Variants in KLHL26 observed in about 807,000 individuals in gnomAD.
The protein encoded by KLHL26 is kelch like family member 26.
Under a neutral mutation model 7.1 loss-of-function variants are expected in KLHL26, and 4 were observed. The observed-to-expected ratio is 0.56, with a 90% confidence interval of 0.28 to 1.28. The LOEUF is 1.28. KLHL26 is among the 50% of genes most tolerant of loss of function. The pLI is 0.11. For synonymous variants in KLHL26, 465 were observed against 414.1 expected (o/e 1.12, Z -1.49); for missense variants, 896 against 924.6 (o/e 0.97, Z 0.40).
At position 18,668,602 on chromosome 19, in the gene KLHL26, G is replaced by T; in HGVS notation, c.1205G>T (p.Ser402Ile). ...CTGCGCCTGCAGGCCATGCAGGAAA[G>T]CCGCATCCAGTTCCAGCTGAACGTG... The part of the protein sequence containing the change: ...RWLRLQAMQE[S>I]RIQFQLNVLC... Residue 402 changes from serine (S) to isoleucine (I), a missense_variant, in exon 3 of 3, where the codon AGC becomes ATC. Physicochemically the swap from Ser to Ile is moderately radical, Grantham distance 142. Transcript: ENST00000300976. The T allele has an allele frequency of 6.3e-7, 1 of 1,588,460 alleles. No homozygotes were observed. Among genetic ancestry groups the T allele is most frequent in the Non-Finnish European group, 8.5e-7 (1 of 1,173,498 alleles).
chr19:18,640,638 A>G (rs1254178593), intron 1 of KLHL26, among the ~76,000 whole-genome samples: 2 of 140,190 alleles, frequency 1.4e-5, no homozygotes, highest in African/African-American at 5.5e-5. Flanking sequence ...TCCTGGGTTC[A>G]AGTGATTCTC....
chr19:18,650,628 C>T lies in KLHL26; in HGVS notation c.83+13491C>T, dbSNP rs2052242326. 6.6e-6 allele frequency among the ~76,000 whole-genome samples: 1 copy of T among 152,216 alleles called. No individual in the cohort carries two copies. The highest frequency in any genetic ancestry group is 2.4e-5 in the African/African-American group (1 of 41,460). ...TTATACTCCACGTGAGTCACTTGCA[C>T]AGATGACGGGTGATGTTTTCCTCGC... On this transcript the variant is annotated intron_variant, in intron 1 of 2. Transcript: ENST00000300976. This position sits in a 1 kb window ranked among gnomAD's most constrained non-coding sequence, Gnocchi z 4.2.
In KLHL26 at chr19:18,671,326, G is replaced by A. The variant is rs959701818; in HGVS notation, c.*2081G>A. ...AACCTAAAAGAAGCCCACACTGTCA[G>A]GGGCATCGAGACAAAAGCCGAGTTC... On this transcript the variant is annotated 3_prime_UTR_variant, in exon 3 of 3. Transcript: ENST00000300976. The A allele has an allele frequency of 6.6e-6, 1 of 152,252 alleles. No homozygotes were observed. The highest frequency in any genetic ancestry group is 1.5e-5 in the Non-Finnish European group (1 of 68,084). 9.4% of individuals were successfully genotyped at this position (152,252 alleles called of 1,614,324 possible).
At chr19:18,661,612 A>T (rs1463325733) in intron 1 of KLHL26, among the ~76,000 whole-genome samples, 1 of 152,054 alleles carries the variant, frequency 6.6e-6, no homozygotes, top group Non-Finnish European at 1.5e-5. Flanking sequence ...GCCCTCACTC[A>T]GAAGGTGCTG....
At chr19:18,662,837 G>A (rs994466771) in intron 1 of KLHL26, among the ~76,000 whole-genome samples, 13 of 152,216 alleles carry the variant, frequency 8.5e-5, no homozygotes, top group Admixed American at 6.5e-4. Flanking sequence ...AAGTGGGATC[G>A]GGGCCGATGT....
intron 1 of KLHL26, among the ~76,000 whole-genome samples, chr19:18,663,810 C>T (rs963647814): frequency 4.5e-5 from 6 of 133,330 alleles, no homozygotes; most frequent in African/African-American, 1.7e-4. Context: ...GCAGTGGGGG[C>T]TGGACCACAG....
Position 18,668,582 on chromosome 19 carries a change from C to T in KLHL26, c.1185C>T (p.Arg395=), listed in dbSNP as rs1367714552. 1 of 1,591,576 alleles carries T rather than the reference C, an allele frequency of 6.3e-7. No individual in the cohort carries two copies. The highest frequency in any genetic ancestry group is 8.5e-7 in the Non-Finnish European group (1 of 1,174,096). Residue 395 remains arginine, a synonymous_variant, in exon 3 of 3, where the codon CGC becomes CGT. Coordinates refer to ENST00000300976, the MANE Select transcript of KLHL26 (RefSeq NM_018316.3). The part of the protein sequence containing the change: ...RYDPHLNRWL[R]LQAMQESRIQ... Reference sequence around the variant, plus strand: ...ACCCCCACCTGAATCGCTGGCTGCGCCTGCAGGCCATGCAGGAAAGCCGCA... The same window carrying T: ...ACCCCCACCTGAATCGCTGGCTGCGTCTGCAGGCCATGCAGGAAAGCCGCA...
intron 1 of KLHL26, among the ~76,000 whole-genome samples, chr19:18,660,329 C>A (rs891095511): frequency 6.6e-6 from 1 of 152,214 alleles, no homozygotes; most frequent in Non-Finnish European, 1.5e-5. Context: ...GGGCGTGTGG[C>A]CACTCAGAGG....
At chr19:18,658,511 G>GTCTCTGTC (rs1265265393) in intron 1 of KLHL26, among the ~76,000 whole-genome samples, 2 of 150,740 alleles carry the variant, frequency 1.3e-5, no homozygotes, top group African/African-American at 4.9e-5. Context: ...CTGTCTCTGG[G>GTCTCTGTC]TCTCTGTCTC....
intron 1 of KLHL26, among the ~76,000 whole-genome samples, chr19:18,652,969 A>G (rs2052276345): frequency 6.6e-6 from 1 of 152,164 alleles, no homozygotes; most frequent in African/African-American, 2.4e-5. Context: ...ACAGTAAACA[A>G]GAGGCAGAGG....
rs1204260630 is a variant in KLHL26 at position 18,642,338 on chromosome 19, AGTGTGTGTGTGTGTGTGT to A, written c.83+5228_83+5245del. On this transcript the variant is annotated intron_variant, in intron 1 of 2. Transcript: ENST00000300976. The stretch of plus-strand genomic sequence containing the variant: ...CCCAGGACACTTTTGCTAGTCACCT[AGTGTGTGTGTGTGTGTGT>A]GTGTGTGTGTGTGTGTGTGTGTGTG... Among the ~76,000 whole-genome samples the A allele has an allele frequency of 5.4e-4, 67 of 123,804 alleles. 2 individuals are homozygous for A. The highest frequency in any genetic ancestry group is 5.9e-4 in the South Asian group (2 of 3,418). 81.2% of individuals were successfully genotyped at this position (123,804 alleles called of 152,430 possible).
rs1976632059 is a variant in KLHL26 at position 18,637,094 on chromosome 19, G to T, written c.40G>T (p.Gly14Cys). 1 of 1,384,030 alleles carries T rather than the reference G, an allele frequency of 7.2e-7. No homozygotes were observed. 85.7% of individuals were successfully genotyped at this position (1,384,030 alleles called of 1,614,324 possible). A position where few individuals can be genotyped will look rare whatever the true frequency, so the allele number is the denominator to read the frequency against. Reference sequence around the variant, plus strand: ...CGGTAGCAGCGGTGGTGCTGGTGGCGGCGGCGCTTTCGGCGCGGGCCCGGG... The same window carrying T: ...CGGTAGCAGCGGTGGTGCTGGTGGCTGCGGCGCTTTCGGCGCGGGCCCGGG... Reference protein sequence around the residue: ...SGGSSGGAGGGGAFGAGPGPE... With the variant: ...SGGSSGGAGGCGAFGAGPGPE... Residue 14 changes from glycine to cysteine, a missense_variant, in exon 1 of 3, where the codon GGC (glycine) becomes TGC (cysteine). Coordinates refer to ENST00000300976, the MANE Select transcript of KLHL26 (RefSeq NM_018316.3).
intron 1 of KLHL26, among the ~76,000 whole-genome samples, chr19:18,647,398 C>T (rs922599535): frequency 7.0e-4 from 107 of 152,220 alleles, no homozygotes; most frequent in African/African-American, 2.5e-3. Context: ...TCTCCTCAGA[C>T]ACTGTAAAAG....
At chr19:18,663,980 G>T (rs752981) in intron 1 of KLHL26, among the ~76,000 whole-genome samples, 16,102 of 152,014 alleles carry the variant, frequency 0.11, 960 homozygotes, top group Non-Finnish European at 0.14. Flanking sequence ...GATTCACAGT[G>T]GTATGCAAAC....
At chr19:18,664,709 G>A (rs1038632687) in intron 2 of KLHL26, among the ~76,000 whole-genome samples, 2 of 151,864 alleles carry the variant, frequency 1.3e-5, no homozygotes, top group African/African-American at 4.8e-5. Flanking sequence ...AGCCTCCCGA[G>A]TAGCTGGGAG....
chr19:18,666,571 C>T (rs2052450123), intron 2 of KLHL26, among the ~76,000 whole-genome samples: 1 of 152,188 alleles, frequency 6.6e-6, no homozygotes, highest in Non-Finnish European at 1.5e-5. Flanking sequence ...CCTGTGTCCC[C>T]TCCCACTCTC....
Position 18,650,541 on chromosome 19 carries a change from C to A in KLHL26, c.83+13404C>A, listed in dbSNP as rs2052240794. 6.6e-6 allele frequency among the ~76,000 whole-genome samples: 1 copy of A among 152,308 alleles called. No homozygotes were observed. The highest frequency in any genetic ancestry group is 2.4e-5 in the African/African-American group (1 of 41,566). ...TGCGCTAGGTCTCTCCTCTGGCTCCCCCTCCTCGGGTCCTCGTGGCTCTCT... is the reference window on the plus strand; with the variant it reads ...TGCGCTAGGTCTCTCCTCTGGCTCCACCTCCTCGGGTCCTCGTGGCTCTCT... On this transcript the variant is annotated intron_variant, in intron 1 of 2. Transcript: ENST00000300976. This position sits in a 1 kb window ranked among gnomAD's most constrained non-coding sequence, Gnocchi z 4.2.
intron 1 of KLHL26, among the ~76,000 whole-genome samples, chr19:18,642,800 C>T (rs968660327): frequency 2.6e-5 from 4 of 152,026 alleles, no homozygotes; most frequent in Admixed American, 6.6e-5. Context: ...TTCAGCCTCC[C>T]GAGTAGCTGG....
In KLHL26 at chr19:18,650,337, G is replaced by C. The variant is rs1409441542; in HGVS notation, c.83+13200G>C. Among the ~76,000 whole-genome samples the C allele has an allele frequency of 6.6e-6, 1 of 152,218 alleles. No individual in the cohort carries two copies. The highest frequency in any genetic ancestry group is 1.5e-5 in the Non-Finnish European group (1 of 68,036). On this transcript the variant is annotated intron_variant, in intron 1 of 2. Coordinates refer to ENST00000300976, the MANE Select transcript of KLHL26 (RefSeq NM_018316.3). This position sits in a 1 kb window ranked among gnomAD's most constrained non-coding sequence, Gnocchi z 4.2. ...GACATTTTCCCGGAGCGGGGTGGAA[G>C]GAGTGTCAAGGTGACTGTGAGATGA...
Sources: allele counts gnomAD v4.1 joint callset (sites outside exome capture counted in the v4.1 genomes callset), GRCh38; gene constraint gnomAD v4.1.1; non-coding constraint Gnocchi (gnomAD v3.1); transcripts MANE v1.5; gene names NCBI Gene and HGNC (gene_info 2026-07-23, HGNC 2026-07-21).